The following TAF4B variants were observed in gnomAD, a reference collection of about 807,000 sequenced individuals.
TAF4B encodes the protein transcription initiation factor TFIID subunit 4B.
A neutral mutation model predicts 86.4 loss-of-function variants in TAF4B; 38 were observed. The observed-to-expected ratio is 0.44, with a 90% CI of 0.34 to 0.58. The LOEUF (loss-of-function observed/expected upper bound fraction) is 0.58. TAF4B is among the 20% of genes least tolerant of loss of function. The pLI is 0.02. For synonymous variants in TAF4B, 388 were observed against 391.2 expected, an observed-to-expected ratio of 0.99 and a Z score of 0.10; for missense variants, 988 against 1,027.6, an observed-to-expected ratio of 0.96 and a Z score of 0.53.
At chr18:26,266,693 C>G (rs2056244246) in intron 2 of TAF4B, 1 of 151,982 alleles carries the variant, frequency 6.6e-6, no homozygotes, top group Non-Finnish European at 1.5e-5. Flanking sequence ...AACCCTGTCT[C>G]TACTAAAAAT....
chr18:26,274,750 G>T lies in TAF4B; in HGVS notation c.685G>T (p.Ala229Ser). 1 of 1,614,168 alleles carries T rather than the reference G, an allele frequency of 6.2e-7. No individual in the cohort carries two copies. Among genetic ancestry groups the T allele is most frequent in the Non-Finnish European group, 8.5e-7 (1 of 1,180,022 alleles). The change falls in exon 4 of 15, where the codon GCA becomes TCA. Residue 229 changes from alanine (A) to serine (S), a missense_variant. By Grantham distance (99) the Ala-to-Ser change is moderately conservative. Around this residue, in one of 3 missense-constraint regions of TAF4B, gnomAD observed 747 missense variants for 737.9 expected, o/e 1.01. Transcript: ENST00000269142. ...TACCCTGAAGCCTTCAAGTTTGGGA[G>T]CATCATCCACTCCTTCAAATGAGCC... ...VTTLKPSSLG[A>S]SSTPSNEPNL...
chr18:26,328,474 A>G (rs933091573), intron 12 of TAF4B, among the ~76,000 whole-genome samples: 1 of 152,050 alleles, frequency 6.6e-6, no homozygotes, highest in African/African-American at 2.4e-5. Context: ...TAAAAACAAA[A>G]CAAAAAAACT....
At chr18:26,274,033 A>G (rs1015283166) in intron 3 of TAF4B, among the ~76,000 whole-genome samples, 1 of 152,058 alleles carries the variant, frequency 6.6e-6, no homozygotes, top group African/African-American at 2.4e-5. Context: ...TTACTGCCTG[A>G]CTTGTGATTG....
intron 1 of TAF4B, among the ~76,000 whole-genome samples, chr18:26,246,079 A>C (rs904547822): frequency 6.6e-6 from 1 of 152,236 alleles, no homozygotes; most frequent in African/African-American, 2.4e-5. Context: ...AAATTGTTTA[A>C]ATATGTAATC....
At chr18:26,386,886 A>G (rs780490471) in intron 14 of TAF4B, among the ~76,000 whole-genome samples, 4 of 152,184 alleles carry the variant, frequency 2.6e-5, no homozygotes, top group Non-Finnish European at 4.4e-5. Context: ...GGGTGTTTAC[A>G]TAGATGTGGA....
At chr18:26,242,735 G>T (rs1230436716) in intron 1 of TAF4B, among the ~76,000 whole-genome samples, 4 of 152,160 alleles carry the variant, frequency 2.6e-5, no homozygotes, top group African/African-American at 9.7e-5. Flanking sequence ...GTTGTTCCTT[G>T]CTGTGTTTAG....
intron 11 of TAF4B, among the ~76,000 whole-genome samples, chr18:26,323,549 A>G (rs2056980191): frequency 1.4e-5 from 2 of 146,128 alleles, no homozygotes; most frequent in South Asian, 4.3e-4. Context: ...TTTTTTTGAG[A>G]CAGGGGCTCA....
intron 13 of TAF4B, among the ~76,000 whole-genome samples, chr18:26,336,569 C>T (rs951550029): frequency 1.3e-5 from 2 of 152,042 alleles, no homozygotes; most frequent in Non-Finnish European, 2.9e-5. Context: ...AGAGCAGAAA[C>T]ATTTTATTTT....
intron 3 of TAF4B, among the ~76,000 whole-genome samples, chr18:26,272,258 A>C (rs1483462257): frequency 6.6e-6 from 1 of 152,200 alleles, no homozygotes; most frequent in African/African-American, 2.4e-5. Flanking sequence ...AATCACCTGC[A>C]TGTGCAGTTC....
intron 14 of TAF4B, among the ~76,000 whole-genome samples, chr18:26,382,402 T>A (rs1978294845): frequency 6.6e-6 from 1 of 152,216 alleles, no homozygotes; most frequent in South Asian, 2.1e-4. Flanking sequence ...GGCTTTTTGC[T>A]GTTCTTGTGT....
rs1364750554 is a variant in TAF4B at position 26,265,693 on chromosome 18, C to G, written c.489+378C>G. The stretch of plus-strand genomic sequence containing the variant: ...CCTCCTGCCTCAGGCTCGCATATAG[C>G]TGGGACCACAACTGCATACCACCAT... On this transcript the variant is annotated intron_variant, in intron 2 of 14. Transcript: ENST00000269142. 3.3e-5 allele frequency among the ~76,000 whole-genome samples: 5 copies of G among 152,138 alleles called. No individual in the cohort carries two copies. The East Asian group carries it at 9.6e-4, about 29-fold the overall frequency.
intron 1 of TAF4B, among the ~76,000 whole-genome samples, chr18:26,231,876 T>C (rs532364785): frequency 2.0e-5 from 3 of 152,290 alleles, no homozygotes; most frequent in African/African-American, 2.4e-5. Flanking sequence ...TGCTGCTGGC[T>C]GGAGTGGCCA....
intron 10 of TAF4B, among the ~76,000 whole-genome samples, chr18:26,320,093 T>TC (rs2056949313): frequency 6.6e-6 from 1 of 152,208 alleles, no homozygotes; most frequent in South Asian, 2.1e-4. Context: ...GACTTTTAAT[T>TC]CAAGCATATT....
chr18:26,299,012 T>C (rs1456933288), intron 9 of TAF4B, among the ~76,000 whole-genome samples: 4 of 151,954 alleles, frequency 2.6e-5, no homozygotes, highest in East Asian at 3.9e-4. Flanking sequence ...CAGGCATGTG[T>C]CACCATGCAT....
At chr18:26,257,104 A>C (rs911384409) in intron 1 of TAF4B, among the ~76,000 whole-genome samples, 2 of 152,114 alleles carry the variant, frequency 1.3e-5, no homozygotes, top group African/African-American at 4.8e-5. Context: ...AGTTAGGTTT[A>C]GTTGGTTTAT....
At chr18:26,291,968 T>G (rs1323539583) in intron 7 of TAF4B, among the ~76,000 whole-genome samples, 1 of 152,200 alleles carries the variant, frequency 6.6e-6, no homozygotes, top group Non-Finnish European at 1.5e-5. Flanking sequence ...TTTTTCACTA[T>G]AAGTTAACAA....
chr18:26,307,913 C>G (rs2056812407), intron 9 of TAF4B, among the ~76,000 whole-genome samples: 1 of 152,010 alleles, frequency 6.6e-6, no homozygotes, highest in Non-Finnish European at 1.5e-5. Flanking sequence ...AGTTCGAGAC[C>G]AGCCTGACCA....
intron 3 of TAF4B, among the ~76,000 whole-genome samples, chr18:26,272,022 C>T (rs1027889895): frequency 2.0e-5 from 3 of 151,936 alleles, no homozygotes; most frequent in South Asian, 4.2e-4. Context: ...GAGGGGTTCC[C>T]GTTAGCAGGC....
chr18:26,322,377 T>C (rs1354365573), intron 11 of TAF4B, among the ~76,000 whole-genome samples: 1 of 151,884 alleles, frequency 6.6e-6, no homozygotes, highest in Admixed American at 6.6e-5. Context: ...GACTTAGGAA[T>C]ATGTGATCAA....
Sources: allele counts gnomAD v4.1 joint callset (sites outside exome capture counted in the v4.1 genomes callset), GRCh38; gene constraint gnomAD v4.1.1; regional missense constraint gnomAD v4.1.1; transcripts MANE v1.5; gene names NCBI Gene and HGNC (gene_info 2026-07-23, HGNC 2026-07-21).